The following SV2C variants were observed in gnomAD, a reference collection of about 807,000 sequenced individuals.
SV2C encodes solute carrier family 22 member B3.
SV2C carries 49 observed loss-of-function variants against 79.7 expected under a neutral mutation model. The ratio of observed to expected loss-of-function variants is 0.61; its 90% confidence interval spans 0.49 to 0.78. The LOEUF (loss-of-function observed/expected upper bound fraction) is 0.78, where lower values mean the gene tolerates loss of function less well. Among genes scored for constraint, SV2C ranks in the 30% least tolerant of loss-of-function variants. SV2C has a pLI of 0.00. For missense variants in SV2C, 833 were observed against 912.9 expected (o/e 0.91, Z 1.13); for synonymous variants, 334 against 333.2 (o/e 1.00, Z -0.03).
At chr5:75,912,866 G>T in the SV2C span, among the ~76,000 whole-genome samples, 8 of 152,234 alleles carry the variant, frequency 5.3e-5, no homozygotes, top group South Asian at 1.5e-3. Flanking sequence ...AACAGATTTT[G>T]GTCTGTATCC....
chr5:76,335,139 C>G (rs1053626307), downstream of SV2C, among the ~76,000 whole-genome samples: 1 of 152,186 alleles, frequency 6.6e-6, no homozygotes, highest in Non-Finnish European at 1.5e-5. Context: ...CATAGAATAT[C>G]CCATCATCAC....
the SV2C span, among the ~76,000 whole-genome samples, chr5:76,010,937 A>T: frequency 6.6e-6 from 1 of 152,144 alleles, no homozygotes; most frequent in African/African-American, 2.4e-5. Context: ...CCTTGTTTTG[A>T]TTATCCTAAA....
intron 2 of SV2C, among the ~76,000 whole-genome samples, chr5:76,166,235 GAC>G (rs1743043374): frequency 6.6e-6 from 1 of 152,172 alleles, no homozygotes; most frequent in African/African-American, 2.4e-5. Context: ...AACACATAAT[GAC>G]ACAGTAGCTT....
the SV2C span, among the ~76,000 whole-genome samples, chr5:75,985,692 A>T: frequency 6.6e-5 from 10 of 151,782 alleles, no homozygotes; most frequent in African/African-American, 1.9e-4. Flanking sequence ...AAGTAATGTT[A>T]AAAAAAAGTA....
chr5:76,117,861 C>A (rs937944871), intron 1 of SV2C, among the ~76,000 whole-genome samples: 15 of 152,086 alleles, frequency 9.9e-5, no homozygotes, highest in African/African-American at 3.6e-4. Context: ...AAAACATGAA[C>A]AAAGAAACCT....
the SV2C span, among the ~76,000 whole-genome samples, chr5:75,999,896 C>T: frequency 6.6e-6 from 1 of 152,048 alleles, no homozygotes; most frequent in African/African-American, 2.4e-5. Context: ...GAGGAAGAGA[C>T]AGAGAGGCAA....
chr5:76,245,936 A>ATGTGTGTGTGTGTGTGTGTG (rs60767964), intron 4 of SV2C, among the ~76,000 whole-genome samples: 29 of 129,148 alleles, frequency 2.2e-4, no homozygotes, highest in Middle Eastern at 4.1e-3. Context: ...GTGTGTGTGT[A>ATGTGTGTGTGTGTGTGTGTG]TGTGTGTGTG....
chr5:76,278,610 G>A (rs570667299), intron 4 of SV2C, among the ~76,000 whole-genome samples: 1 of 152,188 alleles, frequency 6.6e-6, no homozygotes. Flanking sequence ...GGGCTTCCAG[G>A]AAAAAGGCTT....
chr5:76,276,850 T>C (rs969156915), intron 4 of SV2C, among the ~76,000 whole-genome samples: 6 of 152,082 alleles, frequency 3.9e-5, no homozygotes, highest in Non-Finnish European at 7.4e-5. Flanking sequence ...ATTACAGGTG[T>C]GAGCCAACAC....
At chr5:76,000,851 C>T in the SV2C span, among the ~76,000 whole-genome samples, 84 of 152,280 alleles carry the variant, frequency 5.5e-4, 1 homozygote, top group African/African-American at 2.0e-3. Context: ...CTCTCCCCTT[C>T]ATCTACCCAC....
intron 2 of SV2C, among the ~76,000 whole-genome samples, chr5:76,175,574 C>A (rs1743500737): frequency 1.3e-5 from 2 of 152,200 alleles, no homozygotes; most frequent in Admixed American, 1.3e-4. Flanking sequence ...ATATCCCAGA[C>A]AACTTCCTGT....
chr5:75,940,044 C>T, the SV2C span, among the ~76,000 whole-genome samples: 2 of 152,220 alleles, frequency 1.3e-5, no homozygotes. Flanking sequence ...GCAGGAGTGT[C>T]TCCACCACAA....
intron 2 of SV2C, among the ~76,000 whole-genome samples, chr5:76,192,381 A>T (rs1362402468): frequency 1.3e-5 from 2 of 152,158 alleles, no homozygotes; most frequent in Admixed American, 6.5e-5. Context: ...CTGACTTCTG[A>T]CAACTGTTTT....
the SV2C span, among the ~76,000 whole-genome samples, chr5:75,862,414 GA>G: frequency 1.3e-5 from 2 of 152,026 alleles, no homozygotes; most frequent in South Asian, 4.1e-4. Flanking sequence ...GGTAACTTTA[GA>G]AAAAACATAA....
chr5:75,932,673 A>G, the SV2C span, among the ~76,000 whole-genome samples: 277 of 152,284 alleles, frequency 1.8e-3, no homozygotes, highest in African/African-American at 6.3e-3. Flanking sequence ...TGCTCCTGCT[A>G]TTGTCTGTGG....
At chr5:76,250,677 C>G (rs1174718260) in intron 4 of SV2C, among the ~76,000 whole-genome samples, 2 of 152,234 alleles carry the variant, frequency 1.3e-5, no homozygotes, top group African/African-American at 4.8e-5. Context: ...GGTCTCCGCT[C>G]CTGGGTCAGC....
chr5:76,182,435 A>G (rs898355134), intron 2 of SV2C, among the ~76,000 whole-genome samples: 1 of 152,104 alleles, frequency 6.6e-6, no homozygotes, highest in African/African-American at 2.4e-5. Context: ...CTCTTCTCCA[A>G]GCCTGCTCTC....
At chr5:75,932,650 T>TCA in the SV2C span, among the ~76,000 whole-genome samples, 4 of 152,236 alleles carry the variant, frequency 2.6e-5, no homozygotes, top group Admixed American at 2.6e-4. Flanking sequence ...AAGCATGTTG[T>TCA]TAAGGCACAG....
the SV2C span, among the ~76,000 whole-genome samples, chr5:76,020,587 G>T: frequency 2.0e-5 from 3 of 152,142 alleles, no homozygotes; most frequent in Non-Finnish European, 2.9e-5. Flanking sequence ...ACTTTTTATT[G>T]TCTCCCTCTC....
Sources: allele counts gnomAD v4.1 joint callset (sites outside exome capture counted in the v4.1 genomes callset), GRCh38; gene constraint gnomAD v4.1.1; transcripts MANE v1.5; gene names NCBI Gene and HGNC (gene_info 2026-07-23, HGNC 2026-07-21).